Variants in N4BP2L2 observed in about 807,000 individuals in gnomAD.
The protein encoded by N4BP2L2 is NEDD4 binding protein 2 like 2, also known as NEDD4-binding protein 2-like 2.
N4BP2L2 carries 50 observed loss-of-function variants against 56.2 expected under a neutral mutation model. The ratio of observed to expected loss-of-function variants is 0.89; its 90% confidence interval spans 0.71 to 1.13. The LOEUF is 1.13. N4BP2L2 is among the 50% of genes most tolerant of loss of function. The pLI is 0.00. For synonymous variants in N4BP2L2, 203 were observed against 223.6 expected (o/e 0.91, Z 0.82); for missense variants, 689 against 693.8 (o/e 0.99, Z 0.08).
chr13:32,442,472 CAGT>C, exon 7 of N4BP2L2: 1 of 1,613,350 alleles, frequency 6.2e-7, no homozygotes, highest in Non-Finnish European at 8.5e-7. Context: ...GAACGGTAGT[CAGT>C]GCTTGTTAAG....
At chr13:32,538,827 G>T (rs11619073), upstream of N4BP2L2, 10,486 of 985,458 alleles carry the variant, frequency 0.011, 81 homozygotes, top group Non-Finnish European at 0.012. Context: ...GCCAAAACTA[G>T]GCGTTTGCGC....
At position 32,531,908 on chromosome 13, in the gene N4BP2L2, T is replaced by TTTA. The variant is rs1180151811; in HGVS notation, c.1259+3860_1259+3861insTAA. ...ATATGTTTCCTTGCCTTTTCCAGCT[T>TTTA]CTAAAGGTTAGCTGCACACCTGGGC... On this transcript the variant is annotated intron_variant, in intron 2 of 5. Coordinates refer to ENST00000267068, the Ensembl canonical transcript of N4BP2L2. Among the ~76,000 whole-genome samples the TTTA allele has an allele frequency of 6.6e-5, 10 of 152,330 alleles. No individual in the cohort carries two copies. The East Asian group carries it at 1.9e-3, about 29-fold the overall frequency.
chr13:32,532,871 G>A (rs1407505869), intron 2 of N4BP2L2, among the ~76,000 whole-genome samples: 1 of 146,868 alleles, frequency 6.8e-6, no homozygotes, highest in Non-Finnish European at 1.5e-5. Context: ...TCACAGGGGT[G>A]AGCCACCGGC....
chr13:32,530,418 T>C (rs973854762), intron 2 of N4BP2L2, among the ~76,000 whole-genome samples: 1 of 152,162 alleles, frequency 6.6e-6, no homozygotes, highest in South Asian at 2.1e-4. Flanking sequence ...AGAACATCAG[T>C]ATTTTCAAAA....
At chr13:32,499,032 A>G (rs2139510825) in intron 6 of N4BP2L2, among the ~76,000 whole-genome samples, 1 of 151,580 alleles carries the variant, frequency 6.6e-6, no homozygotes, top group South Asian at 2.1e-4. Flanking sequence ...AAAAAGAAAT[A>G]TTGTTGCATG....
chr13:32,525,334 A>G (rs1018914851), intron 3 of N4BP2L2: 2 of 152,214 alleles, frequency 1.3e-5, no homozygotes, highest in African/African-American at 4.8e-5. Context: ...GAAATTCTAG[A>G]GCGTTATAAA....
chr13:32,434,555 C>A (rs74558616), intron 9 of N4BP2L2, among the ~76,000 whole-genome samples: 8,727 of 152,174 alleles, frequency 0.057, 850 homozygotes, highest in African/African-American at 0.2. Context: ...GACCCATCCT[C>A]TTCCTAGCAC....
At chr13:32,494,277 G>A (rs1048100503) in intron 6 of N4BP2L2, among the ~76,000 whole-genome samples, 2 of 151,380 alleles carry the variant, frequency 1.3e-5, no homozygotes, top group African/African-American at 4.9e-5. Flanking sequence ...AGTGAGACTC[G>A]GTCTAAAAAA....
exon 7 of N4BP2L2, chr13:32,443,655 C>T: frequency 3.1e-6 from 5 of 1,611,472 alleles, no homozygotes; most frequent in African/African-American, 1.3e-5. Flanking sequence ...GCTTTTCTAC[C>T]TTCATGCCAG....
rs554160658 is a variant in N4BP2L2, at chr13:32,486,439, G to A, written c.365+31418C>T. On this transcript the variant is annotated intron_variant, in intron 6 of 9. Transcript: ENST00000357505. ...GCCTGTAATCCCAGCACTTTAGGAG[G>A]GTGAGGCGGGTGGATCACCTGAGGT... Among the ~76,000 whole-genome samples, 34 of 152,260 alleles carry A rather than the reference G, an allele frequency of 2.2e-4. 1 individual carries two copies. The highest frequency in any genetic ancestry group is 7.9e-4 in the African/African-American group (33 of 41,550).
intron 1 of N4BP2L2, among the ~76,000 whole-genome samples, chr13:32,537,596 T>C (rs1315287753): frequency 6.6e-6 from 1 of 152,176 alleles, no homozygotes; most frequent in East Asian, 1.9e-4. Flanking sequence ...TGGAGACCCT[T>C]AACTGTGAGT....
chr13:32,472,784 G>C (rs536257499), intron 6 of N4BP2L2, among the ~76,000 whole-genome samples: 3 of 152,122 alleles, frequency 2.0e-5, no homozygotes, highest in Non-Finnish European at 4.4e-5. Flanking sequence ...AAATAGCCTG[G>C]CAGACATCCC....
chr13:32,511,363 C>T (rs1351499017), exon 6 of N4BP2L2: 1 of 152,112 alleles, frequency 6.6e-6, no homozygotes, highest in Non-Finnish European at 1.5e-5. Flanking sequence ...TAAGGGCAAC[C>T]AGCAACCATG....
rs780291898 is a variant in N4BP2L2, at chr13:32,442,981, GT to G, written c.1510del (p.Thr504GlnfsTer6). Reference sequence around the variant, plus strand: ...AGTAATTTTTAGTCCATGGTTTTTTGTTAACAGGTCACATTTCTCCCTTTCT... The same window carrying G: ...AGTAATTTTTAGTCCATGGTTTTTTGTAACAGGTCACATTTCTCCCTTTCT... On this transcript the variant is annotated frameshift_variant, in exon 7 of 10. Transcript: ENST00000357505. LOFTEE classifies it high-confidence loss of function. 1 of 1,613,416 alleles carries G rather than the reference GT, an allele frequency of 6.2e-7. No homozygotes were observed. The highest frequency in any genetic ancestry group is 8.5e-7 in the Non-Finnish European group (1 of 1,179,720).
At chr13:32,498,599 C>G (rs556782928) in intron 6 of N4BP2L2, among the ~76,000 whole-genome samples, 18 of 152,088 alleles carry the variant, frequency 1.2e-4, no homozygotes, top group Admixed American at 3.9e-4. Context: ...GCCTTGGCCT[C>G]CCAAAGTGCT....
intron 6 of N4BP2L2, among the ~76,000 whole-genome samples, chr13:32,470,980 A>T (rs2082183534): frequency 6.6e-6 from 1 of 152,244 alleles, no homozygotes; most frequent in Admixed American, 6.5e-5. Flanking sequence ...AGTCTAGCCT[A>T]GTACTGACAC....
At chr13:32,534,961 T>C (rs1388005375) in intron 2 of N4BP2L2, among the ~76,000 whole-genome samples, 1 of 152,218 alleles carries the variant, frequency 6.6e-6, no homozygotes, top group Admixed American at 6.5e-5. Flanking sequence ...TTGAAATATC[T>C]TGTAATACAA....
chr13:32,525,921 T>G lies in N4BP2L2; in HGVS notation c.1384+1487A>C, dbSNP rs1218532367. Among the ~76,000 whole-genome samples, 3 of 145,902 alleles carry G rather than the reference T, an allele frequency of 2.1e-5. No homozygotes were observed. In the South Asian group the frequency reaches 6.3e-4, roughly 31 times the overall value. ...TATTATTGGATAAAACCATCAGATA[T>G]AAGGTTAATAGGGAACTTGACAGCA... On this transcript the variant is annotated intron_variant, in intron 3 of 5. Transcript: ENST00000267068.
exon 1 of N4BP2L2, chr13:32,538,695 G>C: frequency 1.0e-6 from 1 of 985,488 alleles, no homozygotes; most frequent in Non-Finnish European, 1.2e-6. Flanking sequence ...CTGTGAAGGT[G>C]AAAGAAAAGC....
Sources: allele counts gnomAD v4.1 joint callset (sites outside exome capture counted in the v4.1 genomes callset), GRCh38; gene constraint gnomAD v4.1.1; transcripts MANE v1.5; gene names NCBI Gene and HGNC (gene_info 2026-07-23, HGNC 2026-07-21).